Variants in PLCH2 observed in about 807,000 individuals in gnomAD.
PLCH2 encodes phospholipase C eta 2.
Under a neutral mutation model 134.7 loss-of-function variants are expected in PLCH2, and 98 were observed. The ratio of observed to expected loss-of-function variants is 0.73; its 90% CI spans 0.62 to 0.86. The LOEUF is 0.86. Ranked by LOEUF, PLCH2 falls within the 40% of genes least tolerant of loss-of-function variation. The probability of loss-of-function intolerance (pLI) is 0.00; values close to 1 mark genes in which losing one functional copy is unlikely to be tolerated. For synonymous variants in PLCH2, 974 were observed against 827.5 expected, an observed-to-expected ratio of 1.18 and a Z score of -3.04; for missense variants, 1,994 against 1,986.6, an observed-to-expected ratio of 1.00 and a Z score of -0.07.
intron 2 of PLCH2, among the ~76,000 whole-genome samples, chr1:2,458,127 G>T (rs1225816706): frequency 6.6e-6 from 1 of 152,168 alleles, no homozygotes; most frequent in African/African-American, 2.4e-5. Context: ...GCCTGTCCTC[G>T]GGAGCTCTGA....
chr1:2,491,252 A>G lies in PLCH2; in HGVS notation c.1576A>G (p.Lys526Glu). ...TAAGAGGAAACTGGATTCCCTCATC[A>G]AAGAGTCGAAGATTCGGGACTGTGA... ...TAKRKLDSLI[K>E]ESKIRDCEDP... The change falls in exon 11 of 22, where the codon AAA becomes GAA. Residue 526 changes from lysine (K) to glutamate (E), a missense_variant. Coordinates refer to ENST00000378486, the MANE Select transcript of PLCH2 (RefSeq NM_014638.4). 3 of 1,613,278 alleles carry G rather than the reference A, an allele frequency of 1.9e-6. No homozygotes were observed. Among genetic ancestry groups the G allele is most frequent in the Non-Finnish European group, 2.5e-6 (3 of 1,179,794 alleles).
Position 2,477,132 on chromosome 1 carries a change from T to C in PLCH2, c.124+420T>C, listed in dbSNP as rs183460766. Among the ~76,000 whole-genome samples the C allele has an allele frequency of 6.9e-3, 1,055 of 152,238 alleles. 9 individuals carry two copies. Among genetic ancestry groups the C allele is most frequent in the Non-Finnish European group, 9.8e-3 (667 of 67,984 alleles). ...CTCTGCAGAGGAGACTGGCTGGGTA[T>C]GGCTGGGAGGGTGGAGTGTGTGTCT... On this transcript the variant is annotated intron_variant, in intron 1 of 21. Transcript: ENST00000378486.
chr1:2,423,661 G>A (rs995824760), upstream of PLCH2, among the ~76,000 whole-genome samples: 1 of 152,156 alleles, frequency 6.6e-6, no homozygotes, highest in East Asian at 1.9e-4. Context: ...GCATTTGCTG[G>A]TGAGTCAGCT....
chr1:2,419,122 C>T, the PLCH2 span, among the ~76,000 whole-genome samples: 1 of 152,244 alleles, frequency 6.6e-6, no homozygotes, highest in Non-Finnish European at 1.5e-5. Flanking sequence ...TGCCCAGCTC[C>T]TTGCCCTTCC....
chr1:2,483,854 TGGGGTGG>T lies in PLCH2; in HGVS notation c.646-593_646-587del, dbSNP rs1642126288. On this transcript the variant is annotated intron_variant, in intron 4 of 21. Coordinates refer to ENST00000378486, the MANE Select transcript of PLCH2 (RefSeq NM_014638.4). ...TGTGGGGGTGGCGCTGACCCCCGTG[TGGGGTGG>T]CGCTGACCCCCGTGTGGGTGGCGCT... is the stretch of plus-strand genomic sequence containing the variant. Among the ~76,000 whole-genome samples the T allele has an allele frequency of 5.5e-5, 6 of 108,768 alleles. 2 individuals are homozygous for T. Among genetic ancestry groups the T allele is most frequent in the African/African-American group, 2.5e-4 (6 of 24,116 alleles). The allele number at this position is 108,768 out of a possible 152,430, so 71.4% of individuals were successfully genotyped here.
intron 1 of PLCH2, among the ~76,000 whole-genome samples, chr1:2,469,840 C>T (rs1056257033): frequency 4.6e-5 from 7 of 152,210 alleles, no homozygotes; most frequent in African/African-American, 7.2e-5. Context: ...AGGACGTTTC[C>T]TCTGGCTCCT....
intron 2 of PLCH2, among the ~76,000 whole-genome samples, chr1:2,450,683 T>TCCCCACCTGCCCCCCG: frequency 1.2e-4 from 1 of 8,474 alleles, no homozygotes; most frequent in African/African-American, 5.6e-4. Context: ...CCTACCCCCC[T>TCCCCACCTGCCCCCCG]CTCCCCGCCT....
chr1:2,495,476 C>A lies in PLCH2; in HGVS notation c.1753-12C>A, dbSNP rs993155950. The A allele has an allele frequency of 6.5e-7, 1 of 1,549,774 alleles. No individual in the cohort carries two copies. Among genetic ancestry groups the A allele is most frequent in the Admixed American group, 2.0e-5 (1 of 50,970 alleles). ...AGAGGCCCTACAGCTCACACCTCTG[C>A]CCCCCGCACAGAAGAAGGGCAGCAA... On this transcript the variant is annotated splice_polypyrimidine_tract_variant and intron_variant, in intron 12 of 21. Transcript: ENST00000378486.
rs1245356885 is a variant in PLCH2, at chr1:2,448,737, G to C, written c.115+18108G>C. 1.3e-5 allele frequency among the ~76,000 whole-genome samples: 2 copies of C among 151,844 alleles called. No individual in the cohort carries two copies. The highest frequency in any genetic ancestry group is 2.0e-4 in the East Asian group (1 of 5,126). On this transcript the variant is annotated intron_variant, in intron 2 of 3. Coordinates refer to the PLCH2 transcript ENST00000609981. This position sits in a 1 kb window ranked among gnomAD's most constrained non-coding sequence, Gnocchi z 4.0. ...CTCCTGGCTCCCCACCATCCCCCCT[G>C]GTGCAGCCTCCTGGCTCCCCACCAT...
intron 11 of PLCH2, among the ~76,000 whole-genome samples, chr1:2,491,569 G>C (rs1642584296): frequency 6.6e-6 from 1 of 152,240 alleles, no homozygotes; most frequent in East Asian, 1.9e-4. Flanking sequence ...CAGCTGGGGG[G>C]ACATGATTGC....
rs1386331643 is a variant in PLCH2 at position 2,487,621 on chromosome 1, G to A, written c.1138G>A (p.Gly380Arg). 6.8e-6 allele frequency: 11 copies of A among 1,613,144 alleles called. No homozygotes were observed. The highest frequency in any genetic ancestry group is 3.3e-5 in the South Asian group (3 of 91,032). ...VEVDCWDGPD[G>R]EPIVHHGYTL... is the part of the protein sequence containing the mutation. Reference sequence around the variant, plus strand: ...AGTGGACTGCTGGGATGGGCCCGACGGGGAGCCCATTGTGCACCATGGCTA... The same window carrying A: ...AGTGGACTGCTGGGATGGGCCCGACAGGGAGCCCATTGTGCACCATGGCTA... The change falls in exon 8 of 22, where the codon GGG becomes AGG. Residue 380 changes from glycine (G) to arginine (R), a missense_variant. Gly to Arg is a moderately radical substitution (Grantham distance 125). Coordinates refer to ENST00000378486, the MANE Select transcript of PLCH2 (RefSeq NM_014638.4).
intron 2 of PLCH2, among the ~76,000 whole-genome samples, chr1:2,451,631 G>A (rs116784735): frequency 0.011 from 1,616 of 152,266 alleles, 29 homozygotes; most frequent in African/African-American, 0.036. Flanking sequence ...GGGGGCTCTC[G>A]GGGGCTCTGA....
upstream of PLCH2, among the ~76,000 whole-genome samples, chr1:2,475,674 C>T (rs915383909): frequency 2.0e-5 from 3 of 152,172 alleles, no homozygotes; most frequent in Non-Finnish European, 2.9e-5. Flanking sequence ...GACAAACGTG[C>T]CCTGGGCATG....
chr1:2,491,139 C>T (rs1233366724), intron 10 of PLCH2, 53 bp from the exon 11 acceptor site: 2 of 1,555,922 alleles, frequency 1.3e-6, no homozygotes, highest in Non-Finnish European at 1.7e-6. Flanking sequence ...GTCATTGCCA[C>T]TACTCGCAGG....
chr1:2,436,551 C>CCTCCCTCCACCTTTCCTCCTTT (rs1553238968), intron 2 of PLCH2, among the ~76,000 whole-genome samples: 4,793 of 47,598 alleles, frequency 0.1, 687 homozygotes, highest in African/African-American at 0.12. Flanking sequence ...CTCCTCCCTT[C>CCTCCCTCCACCTTTCCTCCTTT]CTCCCTCCAC....
At position 2,476,337 on chromosome 1, in the gene PLCH2, G is replaced by A. The variant is rs905506090; in HGVS notation, c.-252G>A. On this transcript the variant is annotated 5_prime_UTR_variant, in exon 1 of 22. Transcript: ENST00000378486. ...GAGGCGGCTGCGTCAGGGATTCCTT[G>A]GTGGCCCTGGAGGGTGGATAGGCTG... The A allele has an allele frequency of 2.5e-6, 1 of 402,506 alleles. No individual in the cohort carries two copies. 24.9% of individuals were successfully genotyped at this position (402,506 alleles called of 1,614,324 possible).
At chr1:2,449,137 C>A (rs1471319785) in intron 2 of PLCH2, among the ~76,000 whole-genome samples, 1 of 142,182 alleles carries the variant, frequency 7.0e-6, no homozygotes, top group South Asian at 2.5e-4. Flanking sequence ...TCAGCACCCC[C>A]ACCCCCCGCC....
upstream of PLCH2, among the ~76,000 whole-genome samples, chr1:2,472,088 C>T (rs1641351521): frequency 1.3e-5 from 2 of 152,174 alleles, no homozygotes; most frequent in South Asian, 4.1e-4. Context: ...ACTCTGGGAT[C>T]CCTGGGCTCC....
chr1:2,488,819 A>T (rs772382356), intron 8 of PLCH2, among the ~76,000 whole-genome samples: 1 of 152,144 alleles, frequency 6.6e-6, no homozygotes. Context: ...GGTCAAAAGG[A>T]TTCTATTTCC....
Sources: allele counts gnomAD v4.1 joint callset (sites outside exome capture counted in the v4.1 genomes callset), GRCh38; gene constraint gnomAD v4.1.1; non-coding constraint Gnocchi (gnomAD v3.1); transcripts MANE v1.5; gene names NCBI Gene and HGNC (gene_info 2026-07-23, HGNC 2026-07-21).